Variants in DRC8 observed in about 807,000 individuals in gnomAD.
The protein encoded by DRC8 is dynein regulatory complex subunit 8.
chr1:245,101,819 A>G, the DRC8 span, among the ~76,000 whole-genome samples: 200 of 152,264 alleles, frequency 1.3e-3, no homozygotes, highest in Middle Eastern at 6.8e-3. Flanking sequence ...CATTGTCGTC[A>G]TTATTCTTAT....
the DRC8 span, among the ~76,000 whole-genome samples, chr1:245,007,708 T>G: frequency 6.6e-6 from 1 of 152,174 alleles, no homozygotes; most frequent in African/African-American, 2.4e-5. Flanking sequence ...TATGGCAGAT[T>G]AGGAGTATGG....
At chr1:245,119,839 A>G in the DRC8 span, among the ~76,000 whole-genome samples, 1 of 152,068 alleles carries the variant, frequency 6.6e-6, no homozygotes, top group East Asian at 1.9e-4. Flanking sequence ...AGGCTGAGGC[A>G]GGAGAATGGC....
At chr1:245,070,739 A>G in the DRC8 span, among the ~76,000 whole-genome samples, 4 of 152,336 alleles carry the variant, frequency 2.6e-5, no homozygotes, top group South Asian at 2.1e-4. Context: ...CCATGTTTCT[A>G]TGATGCTGTG....
At chr1:245,031,122 A>G in the DRC8 span, among the ~76,000 whole-genome samples, 1 of 152,148 alleles carries the variant, frequency 6.6e-6, no homozygotes, top group South Asian at 2.1e-4. Context: ...GTTTGAGCCT[A>G]GTGTTAGGCC....
the DRC8 span, among the ~76,000 whole-genome samples, chr1:245,058,991 A>G: frequency 2.0e-5 from 3 of 152,216 alleles, no homozygotes; most frequent in Non-Finnish European, 4.4e-5. Flanking sequence ...GCTAGAGGCC[A>G]TGCTTTTAAC....
At chr1:244,992,666 G>A in the DRC8 span, among the ~76,000 whole-genome samples, 1 of 152,134 alleles carries the variant, frequency 6.6e-6, no homozygotes, top group African/African-American at 2.4e-5. Flanking sequence ...CTTGAACCTG[G>A]GAGGCGAAGG....
At chr1:244,971,656 A>AT in the DRC8 span, among the ~76,000 whole-genome samples, 6 of 152,136 alleles carry the variant, frequency 3.9e-5, no homozygotes, top group African/African-American at 1.4e-4. Flanking sequence ...CTCTCAAACC[A>AT]TTTTTCTCAG....
chr1:245,052,239 G>A, the DRC8 span, among the ~76,000 whole-genome samples: 5 of 152,290 alleles, frequency 3.3e-5, no homozygotes, highest in African/African-American at 4.8e-5. Context: ...CATAGGCCAC[G>A]CTTTTTTATT....
At chr1:244,976,929 A>G in the DRC8 span, among the ~76,000 whole-genome samples, 1 of 152,250 alleles carries the variant, frequency 6.6e-6, no homozygotes, top group African/African-American at 2.4e-5. Context: ...CAAATGTGGT[A>G]TATACGTGTA....
At chr1:244,981,058 C>A in the DRC8 span, among the ~76,000 whole-genome samples, 1 of 152,096 alleles carries the variant, frequency 6.6e-6, no homozygotes, top group African/African-American at 2.4e-5. Context: ...TGGCAGGCGT[C>A]TGTAATCCCA....
At chr1:245,031,350 T>C in the DRC8 span, among the ~76,000 whole-genome samples, 2 of 152,056 alleles carry the variant, frequency 1.3e-5, no homozygotes, top group Non-Finnish European at 2.9e-5. Context: ...AATTATGGTC[T>C]AGCTAGACCA....
chr1:245,033,672 A>G, the DRC8 span, among the ~76,000 whole-genome samples: 2 of 151,950 alleles, frequency 1.3e-5, no homozygotes, highest in Admixed American at 6.6e-5. Context: ...TATTTTTCAT[A>G]TGATTGTCTT....
the DRC8 span, among the ~76,000 whole-genome samples, chr1:245,004,608 G>A: frequency 6.6e-6 from 1 of 152,096 alleles, no homozygotes; most frequent in Admixed American, 6.5e-5. Context: ...AAAACTGCAT[G>A]CTTTTGGCAT....
At chr1:245,016,091 C>G in the DRC8 span, among the ~76,000 whole-genome samples, 1 of 149,218 alleles carries the variant, frequency 6.7e-6, no homozygotes, top group African/African-American at 2.5e-5. Flanking sequence ...AAGCAATTCT[C>G]CTGCCTCAGC....
the DRC8 span, among the ~76,000 whole-genome samples, chr1:245,096,923 C>T: frequency 6.6e-6 from 1 of 152,158 alleles, no homozygotes; most frequent in Non-Finnish European, 1.5e-5. Flanking sequence ...TCATAGCTAC[C>T]TTGTAGGCTT....
At chr1:244,978,173 T>G in the DRC8 span, among the ~76,000 whole-genome samples, 5 of 152,188 alleles carry the variant, frequency 3.3e-5, no homozygotes, top group Admixed American at 6.5e-5. Flanking sequence ...AAAAAAGTAA[T>G]TTTAGTTTTT....
the DRC8 span, among the ~76,000 whole-genome samples, chr1:245,021,510 A>AT: frequency 1.3e-5 from 2 of 152,064 alleles, no homozygotes; most frequent in African/African-American, 4.8e-5. Flanking sequence ...ATCTCGGCTC[A>AT]TTGTAACCTC....
At chr1:245,017,385 A>T in the DRC8 span, 1 of 1,490,656 alleles carries the variant, frequency 6.7e-7, no homozygotes, top group Non-Finnish European at 9.0e-7. Flanking sequence ...GTCATAAGAT[A>T]CAAGAGAGCT....
the DRC8 span, among the ~76,000 whole-genome samples, chr1:245,083,051 C>T: frequency 6.6e-6 from 1 of 152,102 alleles, no homozygotes; most frequent in African/African-American, 2.4e-5. Context: ...GATCCCCAAC[C>T]ACCAGGCCAG....
Sources: gnomAD v4.1 joint callset for allele counts (sites outside exome capture counted in the v4.1 genomes callset) on GRCh38, gnomAD v4.1.1 for gene constraint, MANE v1.5 for transcripts, NCBI Gene and HGNC (gene_info 2026-07-23, HGNC 2026-07-21) for gene names.